The following PCSK6 variants were observed in gnomAD, a reference collection of about 807,000 sequenced individuals.
PCSK6 encodes the protein paired basic amino acid cleaving enzyme 4.
PCSK6 carries 85 observed loss-of-function variants against 123.3 expected under a neutral mutation model. The observed-to-expected ratio is 0.69, with a 90% CI of 0.58 to 0.83. PCSK6 has a LOEUF of 0.83. Among genes scored for constraint, PCSK6 ranks in the 40% least tolerant of loss-of-function variants. The pLI is 0.00. For synonymous variants in PCSK6, 508 were observed against 516.0 expected (o/e 0.98, Z 0.21); for missense variants, 1,191 against 1,282.3 (o/e 0.93, Z 1.09).
chr15:101,427,523 G>A (rs374795346), intron 6 of PCSK6, among the ~76,000 whole-genome samples: 72 of 152,288 alleles, frequency 4.7e-4, no homozygotes, highest in African/African-American at 1.7e-3. Flanking sequence ...CTCTGGTCCC[G>A]GGTAAAAGCT....
intron 1 of PCSK6, among the ~76,000 whole-genome samples, chr15:101,459,727 AC>A (rs2057296741): frequency 6.7e-6 from 1 of 148,990 alleles, no homozygotes; most frequent in African/African-American, 2.5e-5. Context: ...CCCCTCCCTC[AC>A]CCTGATGCCT....
intron 2 of PCSK6, among the ~76,000 whole-genome samples, chr15:101,439,723 G>A (rs1347436655): frequency 1.3e-5 from 2 of 152,250 alleles, no homozygotes; most frequent in Admixed American, 6.5e-5. Flanking sequence ...ATCACTGCTG[G>A]AAGGAAACCC....
At chr15:101,307,355 C>A in intron 20 of PCSK6, 30 bp from the exon 21 acceptor site, 1 of 1,552,454 alleles carries the variant, frequency 6.4e-7, no homozygotes, top group East Asian at 2.3e-5. Context: ...CTGCTGAAGT[C>A]TGGGGAAGAG....
At chr15:101,483,513 C>G (rs764120127) in intron 1 of PCSK6, among the ~76,000 whole-genome samples, 5 of 152,198 alleles carry the variant, frequency 3.3e-5, no homozygotes, top group Non-Finnish European at 5.9e-5. Context: ...TAGCTCAATA[C>G]CCCAGGCAAA....
At chr15:101,434,541 A>G (rs2056540669) in intron 2 of PCSK6, among the ~76,000 whole-genome samples, 1 of 152,222 alleles carries the variant, frequency 6.6e-6, no homozygotes, top group African/African-American at 2.4e-5. Context: ...GCAAAACCCC[A>G]CAACACTGGC....
Position 101,398,991 on chromosome 15 carries a change from C to T in PCSK6, c.824-415G>A, listed in dbSNP as rs942397834. 2.0e-5 allele frequency among the ~76,000 whole-genome samples: 3 copies of T among 152,276 alleles called. No homozygotes were observed. Among genetic ancestry groups the T allele is most frequent in the East Asian group, 1.9e-4 (1 of 5,178 alleles). On this transcript the variant is annotated intron_variant, in intron 6 of 21. Coordinates refer to ENST00000611716, the MANE Select transcript of PCSK6 (RefSeq NM_002570.5). This position sits in a 1 kb window ranked among gnomAD's most constrained non-coding sequence, Gnocchi z 4.6. ...AATCTCGGCTCACTGCAAGCTCCAC[C>T]TCCCGGGTTCAAGTGATTCTCCTGC...
intron 1 of PCSK6, among the ~76,000 whole-genome samples, chr15:101,481,247 C>G (rs1324506576): frequency 2.0e-5 from 3 of 151,984 alleles, no homozygotes; most frequent in Non-Finnish European, 4.4e-5. Context: ...ATCCGGCGGG[C>G]TGGGGAAATC....
intron 2 of PCSK6, among the ~76,000 whole-genome samples, chr15:101,436,218 G>A (rs2056596197): frequency 6.6e-6 from 1 of 152,170 alleles, no homozygotes; most frequent in African/African-American, 2.4e-5. Context: ...AGTCCTAAAA[G>A]GAGAGGGGCT....
chr15:101,308,686 G>C (rs1260958087), intron 20 of PCSK6: 2 of 152,268 alleles, frequency 1.3e-5, no homozygotes, highest in Non-Finnish European at 1.5e-5. Context: ...CTTGCCAGAG[G>C]GGGTTGTGCA....
intron 1 of PCSK6, among the ~76,000 whole-genome samples, chr15:101,453,130 C>T (rs894358307): frequency 2.6e-5 from 4 of 152,218 alleles, no homozygotes; most frequent in East Asian, 1.9e-4. Context: ...TGAGAAGCGG[C>T]GACAGACTGC....
At position 101,366,181 on chromosome 15, in the gene PCSK6, C is replaced by G. The variant is rs778024943; in HGVS notation, c.1858+15G>C. ...AGATACAAAAGCTGTCATGAGATTC[C>G]CAAGAGCCACTGACCTTGCTTCTCC... On this transcript the variant is annotated intron_variant, in intron 13 of 21. Transcript: ENST00000611716. 12 of 1,605,918 alleles carry G rather than the reference C, an allele frequency of 7.5e-6. No homozygotes were observed. In the East Asian group the frequency reaches 2.3e-4, roughly 30 times the overall value.
intron 1 of PCSK6, among the ~76,000 whole-genome samples, chr15:101,458,313 T>C (rs993984575): frequency 6.6e-6 from 1 of 152,176 alleles, no homozygotes; most frequent in Non-Finnish European, 1.5e-5. Flanking sequence ...GGTTTGAGTC[T>C]CTGCAGCAGA....
At chr15:101,411,795 G>C (rs116364687) in intron 6 of PCSK6, among the ~76,000 whole-genome samples, 1 of 152,190 alleles carries the variant, frequency 6.6e-6, no homozygotes, top group Admixed American at 6.5e-5. Context: ...CGACCTCACT[G>C]CTGGGGCATG....
At chr15:101,370,305 G>T (rs1056438801) in intron 12 of PCSK6, 30 bp downstream of exon 12, 3 of 1,488,948 alleles carry the variant, frequency 2.0e-6, no homozygotes, top group African/African-American at 1.4e-5. Context: ...AGTGAGCCCA[G>T]ACCCCATCCC....
chr15:101,464,194 CCA>C (rs1421657917), intron 1 of PCSK6, among the ~76,000 whole-genome samples: 1 of 152,284 alleles, frequency 6.6e-6, no homozygotes, highest in East Asian at 1.9e-4. Flanking sequence ...TGCCCTTTCT[CCA>C]CAGACTCACC....
intron 20 of PCSK6, among the ~76,000 whole-genome samples, chr15:101,311,114 CT>C (rs370067056): frequency 5.4e-4 from 81 of 148,944 alleles, no homozygotes; most frequent in African/African-American, 1.7e-3. Flanking sequence ...CAACTCCTGA[CT>C]TTTTTTTTTC....
intron 9 of PCSK6, among the ~76,000 whole-genome samples, chr15:101,386,430 C>T (rs888156361): frequency 2.6e-5 from 4 of 152,330 alleles, no homozygotes; most frequent in African/African-American, 9.6e-5. Context: ...AGGACGTTCA[C>T]ATTGCTCTGG....
At chr15:101,338,936 A>G (rs1422003630) in intron 13 of PCSK6, among the ~76,000 whole-genome samples, 1 of 152,254 alleles carries the variant, frequency 6.6e-6, no homozygotes, top group Non-Finnish European at 1.5e-5. Context: ...ATCATTCACT[A>G]TCTTCAATGC....
At chr15:101,430,104 T>A in intron 4 of PCSK6, 41 bp from the exon 5 acceptor site, 1 of 1,486,258 alleles carries the variant, frequency 6.7e-7, no homozygotes, top group African/African-American at 1.4e-5. Flanking sequence ...AAATGGCATG[T>A]GACAGCTCTG....
Sources: allele counts gnomAD v4.1 joint callset (sites outside exome capture counted in the v4.1 genomes callset), GRCh38; gene constraint gnomAD v4.1.1; non-coding constraint Gnocchi (gnomAD v3.1); transcripts MANE v1.5; gene names NCBI Gene and HGNC (gene_info 2026-07-23, HGNC 2026-07-21).